TDRD3: variants seen among roughly 807,000 people sequenced by gnomAD.
The protein encoded by TDRD3 is tudor domain containing 3, also known as tudor domain-containing protein 3.
TDRD3 carries 45 observed loss-of-function variants against 86.7 expected under a neutral mutation model. The observed-to-expected ratio is 0.52, with a 90% confidence interval of 0.41 to 0.67. TDRD3 has a LOEUF of 0.67. Ranked by LOEUF, TDRD3 falls within the 30% of genes least tolerant of loss-of-function variation. The pLI is 0.00. For synonymous variants in TDRD3, 298 were observed against 301.7 expected (o/e 0.99, Z 0.13); for missense variants, 814 against 889.0 (o/e 0.92, Z 1.07).
chr13:60,498,172 T>A (rs992634504), intron 8 of TDRD3, among the ~76,000 whole-genome samples: 1 of 152,148 alleles, frequency 6.6e-6, no homozygotes, highest in Non-Finnish European at 1.5e-5. Context: ...TCATTCCAGC[T>A]GGGAGGGTCC....
chr13:60,497,624 T>C (rs535279226), intron 8 of TDRD3, among the ~76,000 whole-genome samples: 1 of 152,238 alleles, frequency 6.6e-6, no homozygotes, highest in South Asian at 2.1e-4. Flanking sequence ...GTGGCTGACA[T>C]GAAATGAAAG....
intron 12 of TDRD3, among the ~76,000 whole-genome samples, chr13:60,566,879 A>C (rs1322345906): frequency 3.3e-5 from 5 of 152,204 alleles, no homozygotes; most frequent in African/African-American, 1.2e-4. Flanking sequence ...CTCAGTAAGA[A>C]AGCAAATAAA....
chr13:60,479,290 A>G (rs1956262781), intron 5 of TDRD3, among the ~76,000 whole-genome samples: 1 of 152,186 alleles, frequency 6.6e-6, no homozygotes, highest in Non-Finnish European at 1.5e-5. Flanking sequence ...TTTAAAATTT[A>G]CATGTAATTG....
chr13:60,444,533 G>T, intron 2 of TDRD3, 150 bp from the exon 3 acceptor site: 1 of 466,618 alleles, frequency 2.1e-6, no homozygotes. Flanking sequence ...ACTGTTACTT[G>T]AAAGATTGAT....
At chr13:60,522,716 A>C (rs548050176) in intron 10 of TDRD3, among the ~76,000 whole-genome samples, 1 of 152,342 alleles carries the variant, frequency 6.6e-6, no homozygotes, top group East Asian at 1.9e-4. Flanking sequence ...CGTTAATAGA[A>C]AGAGATTATT....
intron 8 of TDRD3, among the ~76,000 whole-genome samples, chr13:60,504,439 C>T (rs1228214756): frequency 6.6e-6 from 1 of 152,222 alleles, no homozygotes; most frequent in Non-Finnish European, 1.5e-5. Context: ...ACTTGCCTGT[C>T]TGTAAAGCAG....
At chr13:60,553,466 C>G (rs1480088127) in intron 12 of TDRD3, among the ~76,000 whole-genome samples, 1 of 152,014 alleles carries the variant, frequency 6.6e-6, no homozygotes, top group South Asian at 2.1e-4. Flanking sequence ...TTAGCAGTAC[C>G]CCACTCTGCT....
At chr13:60,467,101 A>G (rs932340971) in intron 4 of TDRD3, 137 bp from the exon 5 acceptor site, 14 of 894,396 alleles carry the variant, frequency 1.6e-5, no homozygotes, top group Non-Finnish European at 2.2e-5. Flanking sequence ...TAAGCCCAGC[A>G]TGCATTAGCT....
intron 3 of TDRD3, among the ~76,000 whole-genome samples, chr13:60,452,391 A>G (rs1280710918): frequency 6.6e-6 from 1 of 152,110 alleles, no homozygotes; most frequent in African/African-American, 2.4e-5. Flanking sequence ...TTATTCTTAC[A>G]TTATTATTCT....
chr13:60,478,861 T>G (rs1956254193), intron 5 of TDRD3, among the ~76,000 whole-genome samples: 1 of 149,622 alleles, frequency 6.7e-6, no homozygotes, highest in Admixed American at 6.7e-5. Flanking sequence ...CAGAGTGCTG[T>G]GGTGCAATCT....
At chr13:60,465,028 A>G (rs777079761) in intron 4 of TDRD3, among the ~76,000 whole-genome samples, 4 of 152,204 alleles carry the variant, frequency 2.6e-5, no homozygotes, top group Non-Finnish European at 4.4e-5. Flanking sequence ...CACATTGTAT[A>G]TATGTGTCAA....
intron 5 of TDRD3, among the ~76,000 whole-genome samples, chr13:60,468,203 T>G (rs1955991753): frequency 6.6e-6 from 1 of 152,190 alleles, no homozygotes; most frequent in African/African-American, 2.4e-5. Flanking sequence ...ACTTTCTAAA[T>G]TCTTCCACAT....
intron 8 of TDRD3, among the ~76,000 whole-genome samples, chr13:60,497,747 G>C (rs1383717318): frequency 6.6e-6 from 1 of 152,122 alleles, no homozygotes. Context: ...GATGAAGCTG[G>C]GGACACTGAG....
intron 12 of TDRD3, among the ~76,000 whole-genome samples, chr13:60,542,124 T>C (rs539719638): frequency 5.3e-5 from 8 of 152,294 alleles, no homozygotes; most frequent in Non-Finnish European, 1.2e-4. Flanking sequence ...TTGATACTTA[T>C]GGTTCAGTAG....
chr13:60,560,963 G>A (rs1438734066), intron 12 of TDRD3, among the ~76,000 whole-genome samples: 1 of 152,012 alleles, frequency 6.6e-6, no homozygotes, highest in East Asian at 1.9e-4. Context: ...GCCATAAAAT[G>A]TTTTGTTTAA....
chr13:60,524,864 C>T (rs1388672509), intron 10 of TDRD3, among the ~76,000 whole-genome samples: 1 of 151,506 alleles, frequency 6.6e-6, no homozygotes, highest in Non-Finnish European at 1.5e-5. Flanking sequence ...TTTGGGAGGC[C>T]TAGGCGGGTA....
chr13:60,435,771 T>G (rs774795339), intron 1 of TDRD3, among the ~76,000 whole-genome samples: 1 of 152,180 alleles, frequency 6.6e-6, no homozygotes, highest in Non-Finnish European at 1.5e-5. Context: ...TTCTTTTCCT[T>G]TGGGTAGATA....
chr13:60,485,811 C>T lies in TDRD3; in HGVS notation c.580C>T (p.His194Tyr), dbSNP rs1232604956. The T allele has an allele frequency of 1.9e-6, 3 of 1,600,524 alleles. No individual in the cohort carries two copies. Among genetic ancestry groups the T allele is most frequent in the Non-Finnish European group, 1.7e-6 (2 of 1,174,222 alleles). The change falls in exon 7 of 14, where the codon CAT becomes TAT. Residue 194 changes from histidine to tyrosine, a missense_variant. Coordinates refer to ENST00000377881, the MANE Select transcript of TDRD3 (RefSeq NM_001146070.2). ...FVPFGQKCVSHVQVDSRELDR... is the reference protein window; with the variant it reads ...FVPFGQKCVSYVQVDSRELDR... ...CTTGTTTTACTAGAAGTGTGTATCT[C>T]ATGTCCAAGTGGATAGCAGAGAACT...
chr13:60,418,793 A>G (rs1034816901), intron 1 of TDRD3, among the ~76,000 whole-genome samples: 10 of 152,260 alleles, frequency 6.6e-5, no homozygotes, highest in Admixed American at 5.9e-4. Context: ...TGAATTCACT[A>G]TCTTGTAATT....
Sources: gnomAD v4.1 joint callset for allele counts (sites outside exome capture counted in the v4.1 genomes callset) on GRCh38, gnomAD v4.1.1 for gene constraint, MANE v1.5 for transcripts, NCBI Gene and HGNC (gene_info 2026-07-23, HGNC 2026-07-21) for gene names.